Variants in HS3ST3A1 observed in about 807,000 individuals in gnomAD.
HS3ST3A1 encodes heparan sulfate-glucosamine 3-sulfotransferase 3A1, also known as heparan sulfate glucosamine 3-O-sulfotransferase 3A1.
Under a neutral mutation model 25.7 loss-of-function variants are expected in HS3ST3A1, and 19 were observed. That is an observed-to-expected ratio of 0.74 (90% CI 0.52 to 1.08). The LOEUF is 1.08. HS3ST3A1 is among the 50% of genes least tolerant of loss of function. The pLI is 0.00. For synonymous variants in HS3ST3A1, 226 were observed against 278.6 expected, an observed-to-expected ratio of 0.81 and a Z score of 1.88; for missense variants, 459 against 594.3, an observed-to-expected ratio of 0.77 and a Z score of 2.37.
chr17:13,568,869 T>C (rs1380553816), intron 1 of HS3ST3A1, among the ~76,000 whole-genome samples: 1 of 152,246 alleles, frequency 6.6e-6, no homozygotes, highest in Non-Finnish European at 1.5e-5. Flanking sequence ...ATTTCTCAGC[T>C]TGTGGTTCTC....
At chr17:13,518,204 T>C (rs935292001) in intron 1 of HS3ST3A1, among the ~76,000 whole-genome samples, 1 of 151,748 alleles carries the variant, frequency 6.6e-6, no homozygotes, top group African/African-American at 2.4e-5. Context: ...ATGGTGTCTA[T>C]TGTAGCACTG....
intron 1 of HS3ST3A1, among the ~76,000 whole-genome samples, chr17:13,520,221 T>C (rs1213510476): frequency 6.6e-6 from 1 of 152,250 alleles, no homozygotes; most frequent in Non-Finnish European, 1.5e-5. Flanking sequence ...TCATGTCTCT[T>C]ATGCTATTGC....
At chr17:13,562,895 G>T (rs548244359) in intron 1 of HS3ST3A1, among the ~76,000 whole-genome samples, 39 of 152,040 alleles carry the variant, frequency 2.6e-4, no homozygotes, top group Middle Eastern at 3.4e-3. Context: ...AACTTTTGTT[G>T]CCTGGAAGGC....
intron 1 of HS3ST3A1, among the ~76,000 whole-genome samples, chr17:13,541,762 C>T (rs546758958): frequency 3.3e-5 from 5 of 152,252 alleles, no homozygotes; most frequent in Non-Finnish European, 5.9e-5. Context: ...CCATAGCATT[C>T]GTTCAGTGGG....
chr17:13,508,963 ATT>A (rs111659579), intron 1 of HS3ST3A1, among the ~76,000 whole-genome samples: 223 of 143,322 alleles, frequency 1.6e-3, no homozygotes, highest in African/African-American at 3.7e-3. Context: ...CATCTCTTTA[ATT>A]TTTTTTTTTT....
At position 13,551,347 on chromosome 17, in the gene HS3ST3A1, CAATAAATAAATAAATAAATAAATAAATA is replaced by C. The variant is rs71144973; in HGVS notation, c.599+49156_599+49183del. Among the ~76,000 whole-genome samples the C allele has an allele frequency of 8.7e-4, 123 of 141,320 alleles. 1 individual carries two copies. Among genetic ancestry groups the C allele is most frequent in the African/African-American group, 4.8e-4 (18 of 37,668 alleles). 92.7% of individuals were successfully genotyped at this position (141,320 alleles called of 152,430 possible). A position where few individuals can be genotyped will look rare whatever the true frequency, so the allele number is the denominator to read the frequency against. ...CTGGCGACACGGAGAGACTCCATCT[CAATAAATAAATAAATAAATAAATAAATA>C]AATAAATAAATAAATATAAAAATAA... On this transcript the variant is annotated intron_variant, in intron 1 of 1. Transcript: ENST00000284110.
intron 1 of HS3ST3A1, among the ~76,000 whole-genome samples, chr17:13,564,539 A>G (rs1170334971): frequency 1.3e-5 from 2 of 152,126 alleles, no homozygotes; most frequent in African/African-American, 4.8e-5. Context: ...GATTACTTGT[A>G]ATACCTAACA....
chr17:13,585,843 T>A lies in HS3ST3A1; in HGVS notation c.599+14688A>T, dbSNP rs9747144. Reference sequence around the variant, plus strand: ...GACCTGTTATTCCTCCTTCTGCGTTTTTTTTTTTTTTTTTTTTTTTTTTTC... The same window carrying A: ...GACCTGTTATTCCTCCTTCTGCGTTATTTTTTTTTTTTTTTTTTTTTTTTC... On this transcript the variant is annotated intron_variant, in intron 1 of 1. Transcript: ENST00000284110. Among the ~76,000 whole-genome samples, 6 of 91,442 alleles carry A rather than the reference T, an allele frequency of 6.6e-5. 1 individual carries two copies. The highest frequency in any genetic ancestry group is 5.8e-5 in the Non-Finnish European group (3 of 51,332). The allele number at this position is 91,442 out of a possible 152,430, so 60.0% of individuals were successfully genotyped here.
At chr17:13,543,417 A>T (rs527691670) in intron 1 of HS3ST3A1, 90 of 163,128 alleles carry the variant, frequency 5.5e-4, no homozygotes, top group African/African-American at 2.0e-3. Context: ...GAGAAAAAAT[A>T]TTTTTTTTTC....
chr17:13,601,247 C>T lies in HS3ST3A1; in HGVS notation c.-118G>A, dbSNP rs1296050567. The T allele has an allele frequency of 2.7e-6, 2 of 748,582 alleles. No homozygotes were observed. The highest frequency in any genetic ancestry group is 4.0e-6 in the Non-Finnish European group (2 of 500,894). 46.4% of individuals were successfully genotyped at this position (748,582 alleles called of 1,614,324 possible). On this transcript the variant is annotated 5_prime_UTR_variant, in exon 1 of 2. Coordinates refer to ENST00000284110, the MANE Select transcript of HS3ST3A1 (RefSeq NM_006042.3). ...GGACGGAGGCCACATCGCCGTGCGCCCCTGTGGCCGTGCGAACTGTCCCGG... is the reference window on the plus strand; with the variant it reads ...GGACGGAGGCCACATCGCCGTGCGCTCCTGTGGCCGTGCGAACTGTCCCGG...
At chr17:13,531,413 C>T (rs1038515092) in intron 1 of HS3ST3A1, among the ~76,000 whole-genome samples, 1 of 152,098 alleles carries the variant, frequency 6.6e-6, no homozygotes, top group Admixed American at 6.6e-5. Context: ...GCTGATCCTA[C>T]CCACATCCCG....
intron 1 of HS3ST3A1, among the ~76,000 whole-genome samples, chr17:13,546,063 G>A (rs35868696): frequency 0.1 from 15,371 of 152,048 alleles, 894 homozygotes; most frequent in Non-Finnish European, 0.14. Context: ...GAGTGCGTAT[G>A]TGCATTTATC....
At chr17:13,557,833 C>T in intron 1 of HS3ST3A1, among the ~76,000 whole-genome samples, 1 of 152,130 alleles carries the variant, frequency 6.6e-6, no homozygotes, top group East Asian at 1.9e-4. Context: ...GGAAAAAGAT[C>T]TCAAGACCTG....
intron 1 of HS3ST3A1, among the ~76,000 whole-genome samples, chr17:13,515,471 G>GTTTTTTTTTTTTTTTTTTTTTTTTTTT (rs33924561): frequency 9.3e-6 from 1 of 107,794 alleles, no homozygotes; most frequent in African/African-American, 3.6e-5. Flanking sequence ...GTTTGTTTCA[G>GTTTTTTTTTTTTTTTTTTTTTTTTTTT]TTTTTTTTTT....
chr17:13,505,952 G>A (rs966888918), intron 1 of HS3ST3A1, among the ~76,000 whole-genome samples: 2 of 151,178 alleles, frequency 1.3e-5, no homozygotes, highest in Non-Finnish European at 2.9e-5. Flanking sequence ...ACTTGAACCC[G>A]GGAGGCGGAG....
At chr17:13,577,828 C>T (rs1032744479) in intron 1 of HS3ST3A1, among the ~76,000 whole-genome samples, 4 of 151,904 alleles carry the variant, frequency 2.6e-5, no homozygotes, top group Non-Finnish European at 5.9e-5. Context: ...AGTCTAGTGA[C>T]TATTTTAAAG....
At chr17:13,536,424 G>C (rs777410081) in intron 1 of HS3ST3A1, among the ~76,000 whole-genome samples, 1 of 152,124 alleles carries the variant, frequency 6.6e-6, no homozygotes, top group Non-Finnish European at 1.5e-5. Flanking sequence ...TGCTCTATAA[G>C]ACAATGGACA....
Position 13,600,833 on chromosome 17 carries a change from G to T in HS3ST3A1, c.297C>A (p.Arg99=). ...RLLQLPQWRR[R]RPPAPRDDGE... ...CGTCGTCGCGGGGCGCGGGCGGCCG[G>T]CGCCTCCGCCACTGCGGCAGTTGCA... is the stretch of plus-strand genomic sequence containing the variant. Residue 99 remains arginine, a synonymous_variant, in exon 1 of 2, where the codon CGC becomes CGA. Coordinates refer to ENST00000284110, the MANE Select transcript of HS3ST3A1 (RefSeq NM_006042.3). 1.4e-6 allele frequency: 2 copies of T among 1,416,876 alleles called. No homozygotes were observed. Among genetic ancestry groups the T allele is most frequent in the Non-Finnish European group, 1.8e-6 (2 of 1,097,722 alleles). The allele number at this position is 1,416,876 out of a possible 1,614,324, so 87.8% of individuals were successfully genotyped here. A position where few individuals can be genotyped will look rare whatever the true frequency, so the allele number is the denominator to read the frequency against.
chr17:13,590,699 A>G (rs1908400649), intron 1 of HS3ST3A1, among the ~76,000 whole-genome samples: 1 of 152,230 alleles, frequency 6.6e-6, no homozygotes, highest in South Asian at 2.1e-4. Context: ...TGACCAGATG[A>G]CAGGAAATCA....
Sources: allele counts gnomAD v4.1 joint callset (sites outside exome capture counted in the v4.1 genomes callset), GRCh38; gene constraint gnomAD v4.1.1; transcripts MANE v1.5; gene names NCBI Gene and HGNC (gene_info 2026-07-23, HGNC 2026-07-21).